Variants in DLGAP1 observed in about 807,000 individuals in gnomAD.
The protein encoded by DLGAP1 is disks large-associated protein 1.
DLGAP1 carries 11 observed loss-of-function variants against 90.8 expected under a neutral mutation model. That is an observed-to-expected ratio of 0.12 (90% CI 0.08 to 0.20). DLGAP1 has a LOEUF of 0.20. DLGAP1 is among the 10% of genes least tolerant of loss of function. The pLI is 1.00. For missense variants in DLGAP1, 1,050 were observed against 1,333.8 expected, an observed-to-expected ratio of 0.79 and a Z score of 3.31; for synonymous variants, 558 against 540.7, an observed-to-expected ratio of 1.03 and a Z score of -0.44.
chr18:3,929,690 C>T (rs2072473491), intron 3 of DLGAP1, among the ~76,000 whole-genome samples: 1 of 152,162 alleles, frequency 6.6e-6, no homozygotes. Context: ...ATGATATGTG[C>T]ATTTTAGCAG....
intron 3 of DLGAP1, among the ~76,000 whole-genome samples, chr18:3,924,173 C>T (rs1029416206): frequency 4.6e-5 from 7 of 152,324 alleles, no homozygotes; most frequent in Admixed American, 1.3e-4. Flanking sequence ...GACTCTCTCA[C>T]GTCATATTAG....
rs1009479752 is a variant in DLGAP1, at chr18:4,454,717, C to T, written c.-267+289G>A. Among the ~76,000 whole-genome samples the T allele has an allele frequency of 3.9e-5, 6 of 152,040 alleles. No individual in the cohort carries two copies. Among genetic ancestry groups the T allele is most frequent in the Admixed American group, 1.3e-4 (2 of 15,282 alleles). On this transcript the variant is annotated intron_variant, in intron 1 of 12. Transcript: ENST00000315677. This position sits in a 1 kb window ranked among gnomAD's most constrained non-coding sequence, Gnocchi z 4.7. ...CGGGACCCTGTCGCAATTAGAAATC[C>T]TTCCCCTGCCTGGGTCCCCGTGGGG...
chr18:4,262,252 A>G (rs528823010), intron 1 of DLGAP1, among the ~76,000 whole-genome samples: 2 of 152,348 alleles, frequency 1.3e-5, no homozygotes, highest in African/African-American at 4.8e-5. Context: ...AATGTGAGCT[A>G]GTACTTAGCA....
chr18:4,443,771 A>G (rs2083593865), intron 1 of DLGAP1, among the ~76,000 whole-genome samples: 1 of 152,234 alleles, frequency 6.6e-6, no homozygotes, highest in South Asian at 2.1e-4. Context: ...GCTACCCAAA[A>G]GGGATCCGTA....
rs1555695550 is a variant in DLGAP1, at chr18:3,600,839, T to TATATAG, written c.1592-18592_1592-18591insCTATAT. Among the ~76,000 whole-genome samples the TATATAG allele has an allele frequency of 1.2e-3, 116 of 96,140 alleles. 16 individuals carry two copies. The highest frequency in any genetic ancestry group is 5.3e-3 in the African/African-American group (101 of 18,960). The allele number at this position is 96,140 out of a possible 152,430, so 63.1% of individuals were successfully genotyped here. A position where few individuals can be genotyped will look rare whatever the true frequency, so the allele number is the denominator to read the frequency against. On this transcript the variant is annotated intron_variant, in intron 7 of 12. Transcript: ENST00000315677. ...ATATAGATATATAGATATATATAGATATATATAGATATATAGATATATATA... is the reference window on the plus strand; with the variant it reads ...ATATAGATATATAGATATATATAGATATATAGATATATAGATATATAGATATATATA...
At chr18:4,297,774 C>G (rs1035200261) in intron 1 of DLGAP1, among the ~76,000 whole-genome samples, 9 of 152,158 alleles carry the variant, frequency 5.9e-5, no homozygotes, top group African/African-American at 2.2e-4. Context: ...CTCTCTCTCT[C>G]TCTTTCTCTA....
chr18:3,568,918 C>T (rs1421725631), intron 8 of DLGAP1, among the ~76,000 whole-genome samples: 2 of 151,774 alleles, frequency 1.3e-5, no homozygotes, highest in East Asian at 3.9e-4. Flanking sequence ...GATCTCCTGA[C>T]CTCGTGATCC....
chr18:3,859,614 C>T (rs1375359468), intron 4 of DLGAP1, among the ~76,000 whole-genome samples: 1 of 152,004 alleles, frequency 6.6e-6, no homozygotes, highest in Non-Finnish European at 1.5e-5. Flanking sequence ...CAGGGTGATG[C>T]AATTGCTGGC....
intron 2 of DLGAP1, among the ~76,000 whole-genome samples, chr18:4,092,684 A>G (rs560909535): frequency 2.0e-5 from 3 of 152,194 alleles, no homozygotes; most frequent in African/African-American, 7.2e-5. Flanking sequence ...TAACAGGGGC[A>G]GGCCAGATGG....
intron 12 of DLGAP1, chr18:3,502,032 A>G: frequency 4.5e-6 from 2 of 443,084 alleles, no homozygotes; most frequent in Non-Finnish European, 3.0e-6. Context: ...GAACAACAGT[A>G]ATTTCTTTAT....
intron 1 of DLGAP1, among the ~76,000 whole-genome samples, chr18:4,165,774 A>T (rs1036545325): frequency 5.9e-5 from 9 of 152,220 alleles, no homozygotes; most frequent in Non-Finnish European, 2.9e-5. Context: ...CAACCACTAC[A>T]AAAACCATAC....
chr18:3,875,332 T>C (rs1384551542), intron 4 of DLGAP1, among the ~76,000 whole-genome samples: 4 of 152,364 alleles, frequency 2.6e-5, no homozygotes, highest in East Asian at 1.9e-4. Flanking sequence ...TGTTTATGTG[T>C]TCCTGGGCAA....
At chr18:4,058,926 C>A (rs2075261629) in intron 2 of DLGAP1, among the ~76,000 whole-genome samples, 1 of 152,182 alleles carries the variant, frequency 6.6e-6, no homozygotes, top group Admixed American at 6.5e-5. Flanking sequence ...GTGAGAGTCA[C>A]CATAAGGTCA....
chr18:3,579,301 A>G (rs545868029), intron 8 of DLGAP1, among the ~76,000 whole-genome samples: 8 of 152,294 alleles, frequency 5.3e-5, no homozygotes, highest in African/African-American at 1.7e-4. Context: ...ACCTCCGTCT[A>G]TCGGGTTCAA....
At chr18:3,911,904 A>C (rs141101665) in intron 3 of DLGAP1, among the ~76,000 whole-genome samples, 1 of 152,236 alleles carries the variant, frequency 6.6e-6, no homozygotes, top group Non-Finnish European at 1.5e-5. Flanking sequence ...AAGTCACTCA[A>C]TGGCAGTTGG....
At chr18:3,583,214 C>CTT (rs2055669391) in intron 7 of DLGAP1, among the ~76,000 whole-genome samples, 1 of 151,058 alleles carries the variant, frequency 6.6e-6, no homozygotes, top group Non-Finnish European at 1.5e-5. Flanking sequence ...TCCTTCCTTC[C>CTT]CTCCTCCCTC....
At chr18:4,211,526 A>G (rs1421108699) in intron 1 of DLGAP1, among the ~76,000 whole-genome samples, 1 of 152,174 alleles carries the variant, frequency 6.6e-6, no homozygotes, top group Non-Finnish European at 1.5e-5. Flanking sequence ...TTGATGTTGT[A>G]TTAGAGCCCA....
At chr18:4,125,259 G>A (rs1343299327) in intron 2 of DLGAP1, among the ~76,000 whole-genome samples, 1 of 152,212 alleles carries the variant, frequency 6.6e-6, no homozygotes, top group East Asian at 1.9e-4. Flanking sequence ...TTTGAAATGT[G>A]CACAGGTCAT....
intron 1 of DLGAP1, among the ~76,000 whole-genome samples, chr18:4,286,002 CAG>C (rs1159759795): frequency 6.6e-6 from 1 of 151,904 alleles, no homozygotes; most frequent in African/African-American, 2.4e-5. Context: ...TTACCCCACT[CAG>C]AGAGAGAGAG....
Sources: gnomAD v4.1 joint callset for allele counts (sites outside exome capture counted in the v4.1 genomes callset) on GRCh38, gnomAD v4.1.1 for gene constraint, Gnocchi (gnomAD v3.1) non-coding constraint, MANE v1.5 for transcripts, NCBI Gene and HGNC (gene_info 2026-07-23, HGNC 2026-07-21) for gene names.